The following SEPTIN8 variants were observed in gnomAD, a reference collection of about 807,000 sequenced individuals.
The protein encoded by SEPTIN8 is septin 8.
A neutral mutation model predicts 53.1 loss-of-function variants in SEPTIN8; 22 were observed. That is an observed-to-expected ratio of 0.41 (90% CI 0.30 to 0.59). SEPTIN8 has a LOEUF of 0.59. Ranked by LOEUF, SEPTIN8 falls within the 20% of genes least tolerant of loss-of-function variation. The pLI is 0.24. For synonymous variants in SEPTIN8, 228 were observed against 248.4 expected (o/e 0.92, Z 0.77); for missense variants, 536 against 638.7 (o/e 0.84, Z 1.73).
chr5:132,766,426 C>T (rs557560362), intron 1 of SEPTIN8, among the ~76,000 whole-genome samples: 2 of 152,222 alleles, frequency 1.3e-5, no homozygotes, highest in Non-Finnish European at 2.9e-5. Context: ...TAAAAAGAAA[C>T]CACGAGGACC....
rs879047407 is a variant in SEPTIN8, at chr5:132,751,752, CT to C, written c.*263del. ...CATAACGATGATGTCACAAAGCAGA[CT>C]TTTTTTTTTTTTTGGTCCCGGAGTG... On this transcript the variant is annotated 3_prime_UTR_variant, in exon 10 of 10. Transcript: ENST00000378719. 0.21 allele frequency: 104,428 copies of C among 487,110 alleles called. 6 individuals are homozygous for C. Among genetic ancestry groups the C allele is most frequent in the Middle Eastern group, 0.27 (473 of 1,780 alleles). The allele number at this position is 487,110 out of a possible 1,614,324, so 30.2% of individuals were successfully genotyped here.
rs1258600103 is a variant in SEPTIN8 at position 132,757,112 on chromosome 5, T to A, written c.1286+3690A>T. The A allele has an allele frequency of 4.1e-6, 4 of 985,082 alleles. No individual in the cohort carries two copies. In the East Asian group the frequency reaches 4.5e-4, roughly 112 times the overall value. The allele number at this position is 985,082 out of a possible 1,614,324, so 61.0% of individuals were successfully genotyped here. On this transcript the variant is annotated intron_variant, in intron 9 of 9. Transcript: ENST00000378719. ...ATTGCAACCAGATACGGACTTATTG[T>A]GACGCTAAGGAAGCTTAATCTTCAG... is the stretch of plus-strand genomic sequence containing the variant.
chr5:132,777,901 T>C (rs576708830), upstream of SEPTIN8: 9 of 985,472 alleles, frequency 9.1e-6, no homozygotes, highest in East Asian at 7.9e-4. The surrounding 1 kb of genome is among the most constrained non-coding windows in gnomAD (Gnocchi z 4.1). Context: ...ATTCCTGCAA[T>C]AGAAAAGCGG....
intron 1 of SEPTIN8, among the ~76,000 whole-genome samples, chr5:132,771,808 G>A (rs528294136): frequency 6.7e-6 from 1 of 148,894 alleles, no homozygotes; most frequent in East Asian, 2.0e-4. Flanking sequence ...TTCGGCTCTG[G>A]TCCCAGGATT....
chr5:132,770,109 G>GTA (rs376943829), intron 1 of SEPTIN8, among the ~76,000 whole-genome samples: 52,216 of 80,424 alleles, frequency 0.65, 15,772 homozygotes, highest in South Asian at 0.76. Context: ...ATGTATATAT[G>GTA]TATATATATA....
chr5:132,750,820 G>A lies in SEPTIN8; in HGVS notation c.*1196C>T. The A allele has an allele frequency of 6.2e-7, 1 of 1,604,434 alleles. No homozygotes were observed. The highest frequency in any genetic ancestry group is 8.5e-7 in the Non-Finnish European group (1 of 1,176,364). Reference sequence around the variant, plus strand: ...AAGAAAACAAAAGCTACTATGACATGATGTAGGGCTTTGGCCTCTTTATTT... The same window carrying A: ...AAGAAAACAAAAGCTACTATGACATAATGTAGGGCTTTGGCCTCTTTATTT... On this transcript the variant is annotated 3_prime_UTR_variant, in exon 10 of 10. Coordinates refer to ENST00000378719, the MANE Select transcript of SEPTIN8 (RefSeq NM_001098811.2).
Position 132,773,636 on chromosome 5 carries a change from C to A in SEPTIN8, c.30+3472G>T, listed in dbSNP as rs909687231. On this transcript the variant is annotated intron_variant, in intron 1 of 9. Transcript: ENST00000378719. This position sits in a 1 kb window ranked among gnomAD's most constrained non-coding sequence, Gnocchi z 4.2. ...CAACAAGATAATGCGCTCAAAGCAC[C>A]CACTGCCCTCCTTGCCATCCAAGGT... 2.0e-5 allele frequency among the ~76,000 whole-genome samples: 3 copies of A among 152,204 alleles called. No homozygotes were observed. The highest frequency in any genetic ancestry group is 7.2e-5 in the African/African-American group (3 of 41,440).
At chr5:132,770,143 GTGTA>G (rs1757164024) in intron 1 of SEPTIN8, among the ~76,000 whole-genome samples, 1 of 97,706 alleles carries the variant, frequency 1.0e-5, no homozygotes, top group African/African-American at 8.1e-5. Context: ...GTGTATGTGT[GTGTA>G]TATATATATA....
rs548183958 is a variant in SEPTIN8 at position 132,761,363 on chromosome 5, G to C, written c.962+95C>G. On this transcript the variant is annotated intron_variant, in intron 7 of 9. Transcript: ENST00000378719. The surrounding 1 kb of genome is among the most constrained non-coding windows in gnomAD (Gnocchi z 5.8). ...GAAGTAGAATCATGTGGGCACGAGGGGTAAGAGGATGTGGGGTCCCTCAGG... is the reference window on the plus strand; with the variant it reads ...GAAGTAGAATCATGTGGGCACGAGGCGTAAGAGGATGTGGGGTCCCTCAGG... 2.2e-5 allele frequency: 35 copies of C among 1,590,290 alleles called. No homozygotes were observed. In the South Asian group the frequency reaches 3.4e-4, roughly 15 times the overall value.
At chr5:132,758,717 C>T (rs1309043466) in intron 9 of SEPTIN8, 25 of 1,609,240 alleles carry the variant, frequency 1.6e-5, no homozygotes, top group South Asian at 1.0e-4. Flanking sequence ...GCTCCCAGTC[C>T]GTCCTCACAC....
intron 1 of SEPTIN8, among the ~76,000 whole-genome samples, chr5:132,766,326 C>A (rs1046522612): frequency 1.3e-5 from 2 of 150,050 alleles, no homozygotes; most frequent in East Asian, 4.2e-4. Flanking sequence ...CAGAAGGTTC[C>A]GGGTAAGAAT....
chr5:132,759,537 C>T (rs1214293900), intron 9 of SEPTIN8, among the ~76,000 whole-genome samples: 1 of 152,190 alleles, frequency 6.6e-6, no homozygotes, highest in Non-Finnish European at 1.5e-5. Context: ...TTTTCTTTAA[C>T]AAGATGGCAG....
At chr5:132,756,704 C>G in intron 9 of SEPTIN8, 1 of 985,440 alleles carries the variant, frequency 1.0e-6, no homozygotes, top group Non-Finnish European at 1.2e-6. Flanking sequence ...CCAGAAAACA[C>G]AAGTCTGTCA....
At chr5:132,768,600 A>G (rs1428601907) in intron 1 of SEPTIN8, among the ~76,000 whole-genome samples, 1 of 152,224 alleles carries the variant, frequency 6.6e-6, no homozygotes, top group African/African-American at 2.4e-5. Flanking sequence ...ACCATGACTC[A>G]GAAATAAAGT....
At chr5:132,771,607 A>C (rs934699642) in intron 1 of SEPTIN8, among the ~76,000 whole-genome samples, 2 of 152,322 alleles carry the variant, frequency 1.3e-5, no homozygotes, top group African/African-American at 4.8e-5. Context: ...CTCAGGAGTC[A>C]ATGGACCACT....
chr5:132,767,803 C>A (rs1756756769), intron 1 of SEPTIN8, among the ~76,000 whole-genome samples: 2 of 152,010 alleles, frequency 1.3e-5, no homozygotes, highest in South Asian at 4.2e-4. Context: ...TGAAAATCTC[C>A]AAAATTTAAG....
chr5:132,775,570 G>A (rs1404657642), intron 1 of SEPTIN8, among the ~76,000 whole-genome samples: 5 of 152,148 alleles, frequency 3.3e-5, no homozygotes, highest in Non-Finnish European at 7.4e-5. Flanking sequence ...GGAGTGTCTA[G>A]GATTCCTATC....
intron 9 of SEPTIN8, among the ~76,000 whole-genome samples, chr5:132,755,096 ATACTT>A (rs1473387551): frequency 6.6e-6 from 1 of 152,090 alleles, no homozygotes; most frequent in Non-Finnish European, 1.5e-5. Flanking sequence ...AGCTTGGTGA[ATACTT>A]TACTTTGCCT....
intron 9 of SEPTIN8, chr5:132,754,164 G>C: frequency 2.3e-6 from 1 of 443,024 alleles, no homozygotes; most frequent in Non-Finnish European, 4.1e-6. Flanking sequence ...AATTGCTTCC[G>C]ATCCTGTATG....
Sources: allele counts gnomAD v4.1 joint callset (sites outside exome capture counted in the v4.1 genomes callset), GRCh38; gene constraint gnomAD v4.1.1; non-coding constraint Gnocchi (gnomAD v3.1); transcripts MANE v1.5; gene names NCBI Gene and HGNC (gene_info 2026-07-23, HGNC 2026-07-21).